Variants in ARHGAP30 observed in about 807,000 individuals in gnomAD.
ARHGAP30 encodes the protein rho GTPase-activating protein 30.
A neutral mutation model predicts 72.0 loss-of-function variants in ARHGAP30; 23 were observed. That is an observed-to-expected ratio of 0.32 (90% CI 0.23 to 0.45). The LOEUF is 0.45. ARHGAP30 is among the 20% of genes least tolerant of loss of function. The pLI is 1.00. For missense variants in ARHGAP30, 1,319 were observed against 1,383.4 expected (o/e 0.95, Z 0.74); for synonymous variants, 576 against 528.2 (o/e 1.09, Z -1.24).
intron 5 of ARHGAP30, among the ~76,000 whole-genome samples, chr1:161,054,000 G>A (rs567187741): frequency 6.6e-6 from 1 of 152,248 alleles, no homozygotes; most frequent in Non-Finnish European, 1.5e-5. Flanking sequence ...CCCAGGAAGC[G>A]GAGTTTGCAG....
intron 1 of ARHGAP30, among the ~76,000 whole-genome samples, chr1:161,066,827 G>A (rs1292934934): frequency 2.0e-5 from 3 of 151,940 alleles, no homozygotes; most frequent in Admixed American, 6.6e-5. Context: ...CTGACCTCAG[G>A]TTCCCAGCAT....
Position 161,054,605 on chromosome 1 carries a change from A to T in ARHGAP30, c.428+18T>A. ...TGAGTTGTCTCAGGTTGCTGGGCAGATATGGAGTGTCACATACCTGTAGTT... is the reference window on the plus strand; with the variant it reads ...TGAGTTGTCTCAGGTTGCTGGGCAGTTATGGAGTGTCACATACCTGTAGTT... On this transcript the variant is annotated intron_variant, in intron 4 of 11. Transcript: ENST00000368013. 1 of 1,612,748 alleles carries T rather than the reference A, an allele frequency of 6.2e-7. No homozygotes were observed. The highest frequency in any genetic ancestry group is 8.5e-7 in the Non-Finnish European group (1 of 1,178,812).
At chr1:161,064,974 G>A (rs1296693846) in intron 1 of ARHGAP30, among the ~76,000 whole-genome samples, 3 of 152,012 alleles carry the variant, frequency 2.0e-5, no homozygotes, top group Admixed American at 6.6e-5. Context: ...GGAAAAAGCT[G>A]TGGTTCTCCT....
chr1:161,068,080 C>G (rs373578337), intron 1 of ARHGAP30, among the ~76,000 whole-genome samples: 1 of 152,134 alleles, frequency 6.6e-6, no homozygotes, highest in East Asian at 1.9e-4. Context: ...GGAGCAGGGT[C>G]TGGGCTGGCT....
rs1247748428 is a variant in ARHGAP30, at chr1:161,049,073, C to T, written c.1948G>A (p.Glu650Lys). Reference protein sequence around the residue: ...CGRQALGQGGEEQACWEVGED... With the variant: ...CGRQALGQGGKEQACWEVGED... ...CCAACTTCCCAGCATGCCTGCTCTT[C>T]CCCACCCTGTCCCAGAGCCTGCCTT... The change falls in exon 12 of 12, where the codon GAA becomes AAA. Residue 650 changes from glutamate to lysine, a missense_variant. Physicochemically the swap from Glu to Lys is moderately conservative, Grantham distance 56. This residue lies in a region of ARHGAP30 where 1,097 missense variants were observed against 1,045.2 expected (regional missense o/e 1.05). Coordinates refer to ENST00000368013, the MANE Select transcript of ARHGAP30 (RefSeq NM_001025598.2). 6.2e-7 allele frequency: 1 copy of T among 1,613,992 alleles called. No homozygotes were observed. The highest frequency in any genetic ancestry group is 8.5e-7 in the Non-Finnish European group (1 of 1,179,998).
At chr1:161,056,310 A>T in intron 3 of ARHGAP30, 78 bp downstream of exon 3, 1 of 1,547,142 alleles carries the variant, frequency 6.5e-7, no homozygotes, top group Non-Finnish European at 8.8e-7. Context: ...TCTGGCTAGT[A>T]TGTGGCACAC....
chr1:161,052,027 C>CCA (rs2102036066), intron 9 of ARHGAP30, among the ~76,000 whole-genome samples: 1 of 95,006 alleles, frequency 1.1e-5, no homozygotes, highest in African/African-American at 3.9e-5. Context: ...ACCACCACCA[C>CCA]CACCACCACC....
chr1:161,064,823 GAAAGAAAGAGAA>G (rs757813793), intron 1 of ARHGAP30, among the ~76,000 whole-genome samples: 6,152 of 63,328 alleles, frequency 0.097, 163 homozygotes, highest in East Asian at 0.11. Context: ...AAGAAAGAAA[GAAAGAAAGAGAA>G]AGAAAGAAAG....
chr1:161,055,606 A>G (rs1041626763), intron 3 of ARHGAP30, among the ~76,000 whole-genome samples: 4 of 151,962 alleles, frequency 2.6e-5, no homozygotes, highest in South Asian at 4.2e-4. Flanking sequence ...CCTGGCCAAC[A>G]TGGTGAAACC....
At chr1:161,053,099 A>T in intron 6 of ARHGAP30, 159 bp downstream of exon 6, 1 of 1,128,462 alleles carries the variant, frequency 8.9e-7, no homozygotes, top group Admixed American at 2.7e-5. Context: ...AAGTCTTCTC[A>T]AGTCCTGACT....
chr1:161,053,507 G>A lies in ARHGAP30; in HGVS notation c.537-122C>T, dbSNP rs376036529. The stretch of plus-strand genomic sequence containing the variant: ...CTCTCTCTCTCTCTCTCTCTCTCTC[G>A]AATGACCTTAACCCCTTCTCTACCT... On this transcript the variant is annotated intron_variant, in intron 5 of 11. Transcript: ENST00000368013. 203 of 648,180 alleles carry A rather than the reference G, an allele frequency of 3.1e-4. No individual in the cohort carries two copies. The African/African-American group carries it at 4.8e-3, about 15-fold the overall frequency. The allele number at this position is 648,180 out of a possible 1,614,324, so 40.2% of individuals were successfully genotyped here.
In ARHGAP30 at chr1:161,049,055, C is replaced by T; in HGVS notation, c.1966G>A (p.Glu656Lys). 3 of 1,614,164 alleles carry T rather than the reference C, an allele frequency of 1.9e-6. No individual in the cohort carries two copies. The highest frequency in any genetic ancestry group is 2.5e-6 in the Non-Finnish European group (3 of 1,180,034). Residue 656 changes from glutamate to lysine, a missense_variant, in exon 12 of 12, where the codon GAA (glutamate) becomes AAA (lysine). This residue lies in a region of ARHGAP30 where 1,097 missense variants were observed against 1,045.2 expected (regional missense o/e 1.05). Transcript: ENST00000368013. ...TCAGCCTGCTTGTCCTCCCCAACTT[C>T]CCAGCATGCCTGCTCTTCCCCACCC... ...GQGGEEQACW[E>K]VGEDKQAEPG...
At chr1:161,061,355 CG>C (rs1199316435) in intron 1 of ARHGAP30, among the ~76,000 whole-genome samples, 2 of 148,950 alleles carry the variant, frequency 1.3e-5, no homozygotes, top group Non-Finnish European at 3.0e-5. Context: ...TAGTAGAGAC[CG>C]GGTTTCACCA....
In ARHGAP30 at chr1:161,051,525, A is replaced by G. The variant is rs778429293; in HGVS notation, c.1209T>C (p.Arg403=). 4.3e-6 allele frequency: 7 copies of G among 1,614,100 alleles called. No individual in the cohort carries two copies. The highest frequency in any genetic ancestry group is 5.9e-6 in the Non-Finnish European group (7 of 1,180,050). The change falls in exon 10 of 12, where the codon CGT becomes CGC. Residue 403 remains arginine, a synonymous_variant. Transcript: ENST00000368013. ...RSAIRAGGSS[R]AERCAGVHIS... is the part of the protein sequence containing the mutation. Reference sequence around the variant, plus strand: ...TGTGGACACCAGCACAGCGTTCTGCACGGCTGCTGCCCCCAGCCCGGATGG... The same window carrying G: ...TGTGGACACCAGCACAGCGTTCTGCGCGGCTGCTGCCCCCAGCCCGGATGG...
In ARHGAP30 at chr1:161,048,201, C is replaced by T; in HGVS notation, c.2820G>A (p.Val940=). ...QVQQVRSVPV[V]PPKPQFAKMP... is the part of the protein sequence containing the mutation. The stretch of plus-strand genomic sequence containing the variant: ...TCTTGGCAAACTGTGGCTTGGGGGG[C>T]ACCACAGGCACAGAGCGGACCTGTT... The change falls in exon 12 of 12, where the codon GTG becomes GTA. Residue 940 remains valine (V), a synonymous_variant. Transcript: ENST00000368013. The T allele has an allele frequency of 6.2e-7, 1 of 1,614,196 alleles. No individual in the cohort carries two copies. The highest frequency in any genetic ancestry group is 8.5e-7 in the Non-Finnish European group (1 of 1,180,038).
chr1:161,061,446 C>T (rs1243741481), intron 1 of ARHGAP30, among the ~76,000 whole-genome samples: 1 of 151,548 alleles, frequency 6.6e-6, no homozygotes, highest in African/African-American at 2.4e-5. Context: ...AGCCACCGCG[C>T]CTGACCTGCT....
chr1:161,055,832 TA>T (rs1226760170), intron 3 of ARHGAP30, among the ~76,000 whole-genome samples: 4 of 116,820 alleles, frequency 3.4e-5, no homozygotes, highest in South Asian at 2.6e-4. Context: ...TAAAATAAAA[TA>T]AAATAAAATA....
intron 6 of ARHGAP30, 161 bp from the exon 7 acceptor site, chr1:161,052,958 A>G: frequency 1.0e-6 from 1 of 992,672 alleles, no homozygotes; most frequent in South Asian, 1.7e-5. Flanking sequence ...GAGTGCCCTC[A>G]TGGACAAAGA....
At chr1:161,068,345 T>G (rs953546882) in intron 1 of ARHGAP30, among the ~76,000 whole-genome samples, 10 of 152,122 alleles carry the variant, frequency 6.6e-5, no homozygotes, top group Non-Finnish European at 1.3e-4. Context: ...TTCAGCTGTT[T>G]AACACTCTTC....
Sources: allele counts gnomAD v4.1 joint callset (sites outside exome capture counted in the v4.1 genomes callset), GRCh38; gene constraint gnomAD v4.1.1; regional missense constraint gnomAD v4.1.1; transcripts MANE v1.5; gene names NCBI Gene and HGNC (gene_info 2026-07-23, HGNC 2026-07-21).